SYN3: variants seen among roughly 807,000 people sequenced by gnomAD.
SYN3 encodes synapsin-3.
A neutral mutation model predicts 65.8 loss-of-function variants in SYN3; 35 were observed. The observed-to-expected ratio is 0.53, with a 90% CI of 0.41 to 0.70. The LOEUF is 0.70. Among genes scored for constraint, SYN3 ranks in the 30% least tolerant of loss-of-function variants. SYN3 has a pLI of 0.00. For missense variants in SYN3, 680 were observed against 749.0 expected (o/e 0.91, Z 1.08); for synonymous variants, 270 against 292.9 (o/e 0.92, Z 0.80).
At chr22:32,780,360 G>A (rs1394753371) in intron 6 of SYN3, among the ~76,000 whole-genome samples, 1 of 152,152 alleles carries the variant, frequency 6.6e-6, no homozygotes, top group Non-Finnish European at 1.5e-5. Flanking sequence ...GACAACTGCT[G>A]TAGGAGATGG....
intron 2 of SYN3, among the ~76,000 whole-genome samples, chr22:32,994,092 GTAGA>G (rs2052806412): frequency 6.6e-6 from 1 of 152,190 alleles, no homozygotes; most frequent in Non-Finnish European, 1.5e-5. Flanking sequence ...TGGACAGCGT[GTAGA>G]CCTCACGGAG....
rs765122891 is a variant in SYN3, at chr22:32,715,778, CAAAAAAA to C, written c.712-119049_712-119043del. ...TGGGTGACAGAGCAAGACTCTGTCT[CAAAAAAA>C]AAAAAAAAAAAAAAAAGTGAAAGCA... On this transcript the variant is annotated intron_variant, in intron 6 of 13. Transcript: ENST00000358763. 1.3e-4 allele frequency among the ~76,000 whole-genome samples: 9 copies of C among 67,594 alleles called. No individual in the cohort carries two copies. The East Asian group carries it at 2.0e-3, about 15-fold the overall frequency. The allele number at this position is 67,594 out of a possible 152,430, so 44.3% of individuals were successfully genotyped here. A position where few individuals can be genotyped will look rare whatever the true frequency, so the allele number is the denominator to read the frequency against.
At chr22:33,053,220 C>T (rs187818521) in intron 1 of SYN3, among the ~76,000 whole-genome samples, 6 of 152,242 alleles carry the variant, frequency 3.9e-5, no homozygotes, top group Admixed American at 2.6e-4. Flanking sequence ...ATCAGGAGTT[C>T]GAGACCAGCC....
At chr22:32,604,955 G>C (rs193198232) in intron 6 of SYN3, among the ~76,000 whole-genome samples, 1 of 146,316 alleles carries the variant, frequency 6.8e-6, no homozygotes, top group Admixed American at 6.9e-5. Context: ...GCAGTGAGCC[G>C]AGATGGCGCC....
chr22:32,531,356 C>A (rs1414323053), intron 10 of SYN3, among the ~76,000 whole-genome samples: 3 of 151,908 alleles, frequency 2.0e-5, no homozygotes, highest in Non-Finnish European at 4.4e-5. Context: ...CCTGTCCTCT[C>A]TCCCCCTGCC....
At chr22:32,692,253 T>C (rs1433941158) in intron 6 of SYN3, among the ~76,000 whole-genome samples, 2 of 150,004 alleles carry the variant, frequency 1.3e-5, no homozygotes, top group East Asian at 3.9e-4. Flanking sequence ...CATGAGCTAG[T>C]AGGTCCTTCA....
At chr22:32,685,328 G>A (rs2060575762) in intron 6 of SYN3, among the ~76,000 whole-genome samples, 1 of 152,146 alleles carries the variant, frequency 6.6e-6, no homozygotes, top group African/African-American at 2.4e-5. Flanking sequence ...AATGATGAAA[G>A]TGAGAACAAA....
At chr22:32,740,650 T>G (rs2061392916) in intron 6 of SYN3, among the ~76,000 whole-genome samples, 1 of 151,908 alleles carries the variant, frequency 6.6e-6, no homozygotes, top group Non-Finnish European at 1.5e-5. Flanking sequence ...AACCCTGGGG[T>G]CAATGAGGAA....
At chr22:32,832,145 G>T (rs997506453) in intron 6 of SYN3, among the ~76,000 whole-genome samples, 1 of 152,210 alleles carries the variant, frequency 6.6e-6, no homozygotes, top group African/African-American at 2.4e-5. Context: ...CCCAGGCTGA[G>T]AAAGAGACTG....
At chr22:33,044,085 G>C (rs1374506910) in intron 1 of SYN3, among the ~76,000 whole-genome samples, 1 of 151,870 alleles carries the variant, frequency 6.6e-6, no homozygotes, top group East Asian at 1.9e-4. Flanking sequence ...ACTATGCTTT[G>C]CACACAGTGA....
At chr22:32,843,341 G>A (rs2146208024) in intron 6 of SYN3, among the ~76,000 whole-genome samples, 1 of 152,372 alleles carries the variant, frequency 6.6e-6, no homozygotes, top group Non-Finnish European at 1.5e-5. Context: ...AAAGCAAGCA[G>A]TTTGTAATTC....
intron 6 of SYN3, among the ~76,000 whole-genome samples, chr22:32,824,481 C>G (rs944912246): frequency 6.6e-6 from 1 of 151,998 alleles, no homozygotes; most frequent in Admixed American, 6.6e-5. Context: ...CCAGAGACAA[C>G]AGCAGATCCC....
intron 6 of SYN3, among the ~76,000 whole-genome samples, chr22:32,611,156 G>A (rs60966625): frequency 0.23 from 34,757 of 152,078 alleles, 4,204 homozygotes; most frequent in Middle Eastern, 0.28. Flanking sequence ...GGAAGAAGGA[G>A]GGTTTTCACA....
intron 1 of SYN3, among the ~76,000 whole-genome samples, chr22:33,009,048 A>G (rs2053281385): frequency 6.6e-6 from 1 of 151,546 alleles, no homozygotes; most frequent in African/African-American, 2.4e-5. Flanking sequence ...AATTGCTGCA[A>G]GAAATTTTTA....
chr22:32,990,419 T>TCCAG (rs1352187013), intron 2 of SYN3, among the ~76,000 whole-genome samples: 6 of 95,810 alleles, frequency 6.3e-5, no homozygotes, highest in East Asian at 5.9e-4. Context: ...CATCCATCCA[T>TCCAG]CCATCCATCC....
chr22:33,027,270 T>C (rs2053654364), intron 1 of SYN3, among the ~76,000 whole-genome samples: 1 of 152,162 alleles, frequency 6.6e-6, no homozygotes, highest in Admixed American at 6.5e-5. Context: ...GAATCTGTCA[T>C]GTAGGTATTA....
At chr22:32,569,292 T>TATC (rs1308633912) in intron 7 of SYN3, among the ~76,000 whole-genome samples, 7 of 151,050 alleles carry the variant, frequency 4.6e-5, no homozygotes, top group African/African-American at 7.3e-5. Context: ...TCTATCTATC[T>TATC]ATCTATCTAC....
chr22:32,691,700 G>A (rs1601922225), intron 6 of SYN3, among the ~76,000 whole-genome samples: 1 of 152,036 alleles, frequency 6.6e-6, no homozygotes, highest in Non-Finnish European at 1.5e-5. Flanking sequence ...TCAGAATCTT[G>A]TGAGCCGGCT....
intron 2 of SYN3, among the ~76,000 whole-genome samples, chr22:32,983,975 T>C (rs1343399596): frequency 1.3e-5 from 2 of 151,646 alleles, no homozygotes; most frequent in East Asian, 1.9e-4. Flanking sequence ...CTGGCCAACA[T>C]AGTGAAACCC....
Sources: gnomAD v4.1 joint callset for allele counts (sites outside exome capture counted in the v4.1 genomes callset) on GRCh38, gnomAD v4.1.1 for gene constraint, MANE v1.5 for transcripts, NCBI Gene and HGNC (gene_info 2026-07-23, HGNC 2026-07-21) for gene names.